Variants in CSMD1 observed in about 807,000 individuals in gnomAD.
The protein encoded by CSMD1 is CUB and sushi domain-containing protein 1.
CSMD1 carries 213 observed loss-of-function variants against 417.5 expected under a neutral mutation model. The ratio of observed to expected loss-of-function variants is 0.51; its 90% confidence interval spans 0.46 to 0.57. CSMD1 has a LOEUF of 0.57. Ranked by LOEUF, CSMD1 falls within the 20% of genes least tolerant of loss-of-function variation. CSMD1 has a pLI of 0.00. For synonymous variants in CSMD1, 2,862 were observed against 1,736.8 expected (o/e 1.65, Z -16.11); for missense variants, 6,923 against 4,529.7 (o/e 1.53, Z -15.17).
chr8:3,521,460 C>CTA (rs1797505016), intron 10 of CSMD1, among the ~76,000 whole-genome samples: 1 of 152,184 alleles, frequency 6.6e-6, no homozygotes, highest in Admixed American at 6.5e-5. Context: ...CCTTGAACTT[C>CTA]ATGGCCCATA....
intron 3 of CSMD1, among the ~76,000 whole-genome samples, chr8:4,397,483 C>T (rs1396646070): frequency 7.1e-6 from 1 of 141,004 alleles, no homozygotes; most frequent in African/African-American, 2.6e-5. Context: ...TTTCATGAAA[C>T]TTCTGTGTGC....
At chr8:3,299,574 A>C (rs1804235607) in intron 25 of CSMD1, among the ~76,000 whole-genome samples, 2 of 152,112 alleles carry the variant, frequency 1.3e-5, no homozygotes, top group Non-Finnish European at 2.9e-5. Flanking sequence ...AGATAAAAGC[A>C]CGCCACCATA....
chr8:4,292,586 A>C (rs551780660), intron 3 of CSMD1, among the ~76,000 whole-genome samples: 1 of 152,286 alleles, frequency 6.6e-6, no homozygotes, highest in East Asian at 1.9e-4. Flanking sequence ...AATTTATAAC[A>C]ACCCACTATA....
At chr8:3,238,811 A>C (rs1204451608) in intron 26 of CSMD1, among the ~76,000 whole-genome samples, 1 of 152,154 alleles carries the variant, frequency 6.6e-6, no homozygotes, top group Non-Finnish European at 1.5e-5. Flanking sequence ...TATTTACTTT[A>C]AGTGTTAAGA....
chr8:3,396,278 G>C lies in CSMD1; in HGVS notation c.2509C>G (p.Leu837Val), dbSNP rs1322444380. Residue 837 changes from leucine (L) to valine (V), a missense_variant, in exon 17 of 70, where the codon CTC becomes GTC. Coordinates refer to ENST00000635120, the MANE Select transcript of CSMD1 (RefSeq NM_033225.6). ...TACATGAAGTTCCCGGTGCTGATGAGGAACTGGGGTGCCTGGGTGCCGTGG... is the reference window on the plus strand; with the variant it reads ...TACATGAAGTTCCCGGTGCTGATGACGAACTGGGGTGCCTGGGTGCCGTGG... ...EYHGTQAPQFLISTGNFMYLL... is the reference protein window; with the variant it reads ...EYHGTQAPQFVISTGNFMYLL... 1.9e-6 allele frequency: 3 copies of C among 1,598,540 alleles called. No individual in the cohort carries two copies. The highest frequency in any genetic ancestry group is 1.7e-5 in the Admixed American group (1 of 57,714).
At chr8:4,354,879 T>TGTGTGTGTGTGA (rs1554442767) in intron 3 of CSMD1, among the ~76,000 whole-genome samples, 2 of 147,016 alleles carry the variant, frequency 1.4e-5, no homozygotes, top group African/African-American at 5.2e-5. Context: ...TGTGTGTGTG[T>TGTGTGTGTGTGA]GTGTGTGTGT....
At chr8:3,798,224 C>G (rs1411953016) in intron 5 of CSMD1, among the ~76,000 whole-genome samples, 4 of 151,912 alleles carry the variant, frequency 2.6e-5, no homozygotes, top group African/African-American at 7.2e-5. Context: ...ATGAAATGAG[C>G]TGTAGCTTTC....
At chr8:4,345,415 G>C (rs757031132) in intron 3 of CSMD1, among the ~76,000 whole-genome samples, 1 of 151,994 alleles carries the variant, frequency 6.6e-6, no homozygotes, top group Non-Finnish European at 1.5e-5. Context: ...TGGATACAAT[G>C]TATAGTGATC....
At chr8:3,474,542 T>C (rs1817298273) in intron 11 of CSMD1, among the ~76,000 whole-genome samples, 2 of 152,198 alleles carry the variant, frequency 1.3e-5, no homozygotes. Context: ...ATAGTTCACA[T>C]TTACTTAAAT....
chr8:4,533,048 C>A lies in CSMD1; in HGVS notation c.302+104294G>T, dbSNP rs536232361. On this transcript the variant is annotated intron_variant, in intron 2 of 69. Transcript: ENST00000635120. ...GAGTTTCTCCTCCCTAGATCCCAGG[C>A]AACCACTCACCTACTTTCTGCGTCA... 2.6e-5 allele frequency among the ~76,000 whole-genome samples: 4 copies of A among 152,336 alleles called. No individual in the cohort carries two copies. The East Asian group carries it at 7.7e-4, about 29-fold the overall frequency.
intron 2 of CSMD1, among the ~76,000 whole-genome samples, chr8:4,563,475 G>A (rs1755840888): frequency 1.3e-5 from 2 of 152,210 alleles, no homozygotes; most frequent in Middle Eastern, 3.4e-3. Context: ...CCAAGGCACA[G>A]GCTCTCCCGT....
At chr8:3,700,074 A>C (rs900219) in intron 7 of CSMD1, among the ~76,000 whole-genome samples, 133,969 of 152,144 alleles carry the variant, frequency 0.88, 59,654 homozygotes, top group East Asian at 1. Context: ...TGTCCTCATA[A>C]GAATGATACA....
At chr8:3,613,593 C>G (rs1801993570) in intron 8 of CSMD1, among the ~76,000 whole-genome samples, 1 of 151,852 alleles carries the variant, frequency 6.6e-6, no homozygotes, top group African/African-American at 2.4e-5. Flanking sequence ...GAGTTTTTAA[C>G]TTAGGGAAAT....
chr8:4,095,661 T>G (rs772685220), intron 3 of CSMD1, among the ~76,000 whole-genome samples: 1 of 152,148 alleles, frequency 6.6e-6, no homozygotes, highest in Admixed American at 6.5e-5. Context: ...ATTCAACAAC[T>G]GAGGGTTCTT....
At chr8:4,371,462 G>T (rs1802392108) in intron 3 of CSMD1, among the ~76,000 whole-genome samples, 1 of 152,146 alleles carries the variant, frequency 6.6e-6, no homozygotes, top group Non-Finnish European at 1.5e-5. Context: ...GGGCATGTCT[G>T]GGGATAGAAA....
At chr8:3,722,212 G>A (rs985292204) in intron 6 of CSMD1, among the ~76,000 whole-genome samples, 4 of 152,248 alleles carry the variant, frequency 2.6e-5, no homozygotes, top group South Asian at 4.1e-4. Flanking sequence ...GGGAGGCTGA[G>A]GCAGGAGAAT....
At chr8:3,987,169 C>G (rs184717761) in intron 5 of CSMD1, among the ~76,000 whole-genome samples, 30 of 152,278 alleles carry the variant, frequency 2.0e-4, no homozygotes, top group African/African-American at 7.2e-4. Flanking sequence ...AGAAAGCAAT[C>G]CAGTATATAC....
rs1161983152 is a variant in CSMD1 at position 3,206,482 on chromosome 8, G to GTA, written c.4868-864_4868-863dup. On this transcript the variant is annotated intron_variant, in intron 30 of 69. Coordinates refer to ENST00000635120, the MANE Select transcript of CSMD1 (RefSeq NM_033225.6). ...GTGTGGGGGGGTTATGTCTGTGCGT[G>GTA]TATGTGTGTGTGGGTGTATGTGTGT... 3.2e-3 allele frequency among the ~76,000 whole-genome samples: 49 copies of GTA among 15,486 alleles called. 1 individual carries two copies. The highest frequency in any genetic ancestry group is 1.5e-3 in the Non-Finnish European group (8 of 5,502). The allele number at this position is 15,486 out of a possible 152,430, so 10.2% of individuals were successfully genotyped here. A position where few individuals can be genotyped will look rare whatever the true frequency, so the allele number is the denominator to read the frequency against.
At chr8:4,391,592 C>T (rs1585003055) in intron 3 of CSMD1, among the ~76,000 whole-genome samples, 1 of 151,870 alleles carries the variant, frequency 6.6e-6, no homozygotes, top group Non-Finnish European at 1.5e-5. Context: ...CCTATTTTTG[C>T]CCCCGCTTTT....
Sources: gnomAD v4.1 joint callset for allele counts (sites outside exome capture counted in the v4.1 genomes callset) on GRCh38, gnomAD v4.1.1 for gene constraint, MANE v1.5 for transcripts, NCBI Gene and HGNC (gene_info 2026-07-23, HGNC 2026-07-21) for gene names.